The following SEMA3A variants were observed in gnomAD, a reference collection of about 807,000 sequenced individuals.
The protein encoded by SEMA3A is semaphorin-3A.
SEMA3A carries 29 observed loss-of-function variants against 97.9 expected under a neutral mutation model. The ratio of observed to expected loss-of-function variants is 0.30; its 90% CI spans 0.22 to 0.40. The LOEUF is 0.40. Among genes scored for constraint, SEMA3A ranks in the 10% least tolerant of loss-of-function variants. SEMA3A has a pLI of 1.00. For synonymous variants in SEMA3A, 321 were observed against 323.7 expected, an observed-to-expected ratio of 0.99 and a Z score of 0.09; for missense variants, 763 against 951.3, an observed-to-expected ratio of 0.80 and a Z score of 2.60.
At chr7:83,969,892 G>A (rs1788850382) in intron 15 of SEMA3A, among the ~76,000 whole-genome samples, 1 of 152,116 alleles carries the variant, frequency 6.6e-6, no homozygotes, top group African/African-American at 2.4e-5. Flanking sequence ...ATCACTAAAG[G>A]ATGTCATGTA....
upstream of SEMA3A, chr7:84,194,814 T>G: frequency 3.3e-6 from 1 of 304,958 alleles, no homozygotes; most frequent in Non-Finnish European, 5.9e-6. Flanking sequence ...AAAAAAAAAA[T>G]TCCGAGCCAG....
At chr7:84,122,851 TAAG>T (rs1795669591) in intron 3 of SEMA3A, among the ~76,000 whole-genome samples, 1 of 152,120 alleles carries the variant, frequency 6.6e-6, no homozygotes, top group South Asian at 2.1e-4. Flanking sequence ...ATCATATCAT[TAAG>T]AGGAGTAACA....
chr7:84,385,594 T>C (rs977705081), intron 1 of SEMA3A, among the ~76,000 whole-genome samples: 1 of 151,628 alleles, frequency 6.6e-6, no homozygotes, highest in Middle Eastern at 3.4e-3. Context: ...ATTCTTTTAT[T>C]CCATTATTCA....
intron 1 of SEMA3A, among the ~76,000 whole-genome samples, chr7:84,452,236 A>C (rs1211237019): frequency 6.6e-6 from 1 of 152,176 alleles, no homozygotes; most frequent in African/African-American, 2.4e-5. Context: ...CTCAAAAGTT[A>C]TTATTTTAAG....
chr7:84,168,047 A>G (rs1256604413), intron 1 of SEMA3A, among the ~76,000 whole-genome samples: 10 of 152,056 alleles, frequency 6.6e-5, no homozygotes, highest in Admixed American at 6.6e-4. Flanking sequence ...ACCATATCTC[A>G]CTCAGTAAGT....
chr7:84,429,516 T>TGATATATATATATATATATA (rs1554385262), intron 1 of SEMA3A, among the ~76,000 whole-genome samples: 1 of 72,420 alleles, frequency 1.4e-5, no homozygotes, highest in African/African-American at 7.1e-5. Flanking sequence ...ATAGAGTTTG[T>TGATATATATATATATATATA]TATATATATA....
At chr7:84,437,808 C>A (rs1805175417) in intron 1 of SEMA3A, among the ~76,000 whole-genome samples, 1 of 151,652 alleles carries the variant, frequency 6.6e-6, no homozygotes, top group Admixed American at 6.6e-5. Flanking sequence ...AAAATATTTG[C>A]CATAATCAGT....
chr7:84,421,502 CTTTA>C (rs1172194238), intron 1 of SEMA3A, among the ~76,000 whole-genome samples: 1 of 151,990 alleles, frequency 6.6e-6, no homozygotes, highest in Non-Finnish European at 1.5e-5. Context: ...TTTGAATACT[CTTTA>C]TTTGTTTCTC....
intron 3 of SEMA3A, 102 bp downstream of exon 3, chr7:84,129,021 C>T: frequency 2.4e-6 from 2 of 847,226 alleles, no homozygotes; most frequent in Non-Finnish European, 4.0e-6. Flanking sequence ...TAACCCCTTC[C>T]CCACACACAC....
At position 84,370,397 on chromosome 7, in the gene SEMA3A, G is replaced by A. The variant is rs186374429; in HGVS notation, c.-169+1427C>T. On this transcript the variant is annotated intron_variant, in intron 2 of 3. Coordinates refer to the SEMA3A transcript ENST00000424555. ...GCCAATACCTTATATTTTAGCATAA[G>A]TTTCCTTCCAGATTTATATAGTTTA... 2.1e-3 allele frequency among the ~76,000 whole-genome samples: 313 copies of A among 151,680 alleles called. 1 individual carries two copies. The highest frequency in any genetic ancestry group is 7.4e-3 in the African/African-American group (306 of 41,468).
chr7:83,987,920 T>C (rs562179525), intron 12 of SEMA3A, among the ~76,000 whole-genome samples: 1 of 152,328 alleles, frequency 6.6e-6, no homozygotes, highest in East Asian at 1.9e-4. Context: ...GCTTTTATTC[T>C]AGAGAGGTGG....
At chr7:84,133,895 A>AG (rs1434012686) in intron 2 of SEMA3A, among the ~76,000 whole-genome samples, 1 of 150,012 alleles carries the variant, frequency 6.7e-6, no homozygotes, top group African/African-American at 2.4e-5. Context: ...CTAAAAAAAA[A>AG]AAAAAAAAAA....
chr7:83,969,356 C>CAAA (rs5885387), intron 15 of SEMA3A, among the ~76,000 whole-genome samples: 9 of 151,702 alleles, frequency 5.9e-5, no homozygotes, highest in African/African-American at 9.7e-5. Flanking sequence ...TCTATATTGC[C>CAAA]AAAAAAAATC....
rs1310318006 is a variant in SEMA3A, at chr7:83,980,623, A to AAAAAAATATAT, written c.1652+697_1652+698insATATATTTTTT. 2.5e-3 allele frequency among the ~76,000 whole-genome samples: 177 copies of AAAAAAATATAT among 71,732 alleles called. 1 individual carries two copies. The highest frequency in any genetic ancestry group is 0.011 in the African/African-American group (136 of 12,022). The allele number at this position is 71,732 out of a possible 152,430, so 47.1% of individuals were successfully genotyped here. ...CATCTCAAAAAAAAAAAAAAAAAAA[A>AAAAAAATATAT]ATATATATATATATATACACACACA... On this transcript the variant is annotated intron_variant, in intron 14 of 16. Transcript: ENST00000265362.
At chr7:84,488,303 T>C in intron 1 of SEMA3A, among the ~76,000 whole-genome samples, 1 of 140,254 alleles carries the variant, frequency 7.1e-6, no homozygotes, top group Non-Finnish European at 1.5e-5. Flanking sequence ...TTTCCAGCTA[T>C]GTTTCTTCGT....
chr7:84,287,687 G>A (rs1800625277), intron 3 of SEMA3A, among the ~76,000 whole-genome samples: 1 of 152,120 alleles, frequency 6.6e-6, no homozygotes, highest in African/African-American at 2.4e-5. Flanking sequence ...AAATGTATAT[G>A]AAGTGAAATT....
chr7:84,063,210 T>A (rs925417909), intron 4 of SEMA3A, among the ~76,000 whole-genome samples: 56 of 151,576 alleles, frequency 3.7e-4, no homozygotes, highest in Middle Eastern at 3.4e-3. Flanking sequence ...CTGAGGGTCC[T>A]GTCTGTTAGA....
In SEMA3A at chr7:84,458,541, G is replaced by T. The variant is rs78568673; in HGVS notation, c.-246+33919C>A. Among the ~76,000 whole-genome samples the T allele has an allele frequency of 3.9e-3, 595 of 151,840 alleles. 6 individuals are homozygous for T. The highest frequency in any genetic ancestry group is 0.014 in the African/African-American group (572 of 41,422). ...AGTGGAATTATTTATTTTTCAACTT[G>T]CATACTTTGTGCACCTGAAAGTTAG... On this transcript the variant is annotated intron_variant, in intron 1 of 3. Coordinates refer to the SEMA3A transcript ENST00000424555.
At chr7:84,357,206 T>C (rs1039234956) in intron 2 of SEMA3A, among the ~76,000 whole-genome samples, 1 of 152,000 alleles carries the variant, frequency 6.6e-6, no homozygotes, top group African/African-American at 2.4e-5. Flanking sequence ...TGTATACATG[T>C]GCCATGTTGG....
Sources: allele counts gnomAD v4.1 joint callset (sites outside exome capture counted in the v4.1 genomes callset), GRCh38; gene constraint gnomAD v4.1.1; transcripts MANE v1.5; gene names NCBI Gene and HGNC (gene_info 2026-07-23, HGNC 2026-07-21).